ZBTB8A: variants seen among roughly 807,000 people sequenced by gnomAD.
The protein encoded by ZBTB8A is zinc finger and BTB domain containing 8A, also known as zinc finger and BTB domain-containing protein 8A.
In ZBTB8A, 19 loss-of-function variants were observed where a neutral mutation model predicts 37.8. That is an observed-to-expected ratio of 0.50 (90% CI 0.35 to 0.74). ZBTB8A has a LOEUF of 0.74. ZBTB8A is among the 30% of genes least tolerant of loss of function. The pLI is 0.01. For missense variants in ZBTB8A, 394 were observed against 537.8 expected (o/e 0.73, Z 2.65); for synonymous variants, 181 against 185.2 (o/e 0.98, Z 0.19).
rs528921169 is a variant in ZBTB8A at position 32,590,301 on chromosome 1, C to A, written c.-1-2630C>A. Among the ~76,000 whole-genome samples the A allele has an allele frequency of 8.5e-4, 129 of 152,156 alleles. 1 individual carries two copies. The highest frequency in any genetic ancestry group is 1.0e-3 in the Admixed American group (16 of 15,272). Reference sequence around the variant, plus strand: ...AAAGTAAATCTGGTCTCCAGAATCTCACAAGGCAAACCACTGGGCTTCAGT... The same window carrying A: ...AAAGTAAATCTGGTCTCCAGAATCTAACAAGGCAAACCACTGGGCTTCAGT... On this transcript the variant is annotated intron_variant, in intron 2 of 4. Transcript: ENST00000373510.
chr1:32,565,097 A>G (rs1014136013), intron 2 of ZBTB8A, among the ~76,000 whole-genome samples: 1 of 152,196 alleles, frequency 6.6e-6, no homozygotes, highest in Non-Finnish European at 1.5e-5. Flanking sequence ...TGGGAAGCCA[A>G]GGTGAGTTGA....
At position 32,600,126 on chromosome 1, in the gene ZBTB8A, C is replaced by A. The variant is rs746978891; in HGVS notation, c.1033C>A (p.Arg345Ser). ...TAAACTCATCTGCAGAAAATGTAAA[C>A]GTCATGTGACAGATCTAACAGGGCA... ...ACKLICRKCK[R>S]HVTDLTGQVV... is the part of the protein sequence containing the mutation. Residue 345 changes from arginine to serine, a missense_variant, in exon 5 of 5, where the codon CGT becomes AGT. By Grantham distance (110) the Arg-to-Ser change is moderately radical. Transcript: ENST00000373510. 6.2e-7 allele frequency: 1 copy of A among 1,613,884 alleles called. No homozygotes were observed. The highest frequency in any genetic ancestry group is 8.5e-7 in the Non-Finnish European group (1 of 1,179,802).
intron 2 of ZBTB8A, among the ~76,000 whole-genome samples, chr1:32,579,780 T>A (rs1167982571): frequency 1.3e-5 from 2 of 152,190 alleles, no homozygotes; most frequent in Non-Finnish European, 2.9e-5. Context: ...AACAATTTTT[T>A]TCATGTATTT....
rs141354652 is a variant in ZBTB8A, at chr1:32,592,940, C to T, written c.9C>T (p.Ile3=). The change falls in exon 3 of 5, where the codon ATC becomes ATT. Residue 3 remains isoleucine (I), a synonymous_variant. Transcript: ENST00000373510. ME[I]SSHQSHLLQQ... ...GTCTTTTCCTCTTCAGAATGGAGAT[C>T]TCCTCTCATCAGTCTCACCTCCTGC... The T allele has an allele frequency of 2.9e-5, 47 of 1,599,058 alleles. No individual in the cohort carries two copies. Among genetic ancestry groups the T allele is most frequent in the Non-Finnish European group, 3.7e-5 (43 of 1,172,724 alleles).
In ZBTB8A at chr1:32,602,331, A is replaced by AG. The variant is rs1220280187; in HGVS notation, c.*1912_*1913insG. The AG allele has an allele frequency of 2.0e-5, 3 of 151,450 alleles. No individual in the cohort carries two copies. Among genetic ancestry groups the AG allele is most frequent in the African/African-American group, 7.3e-5 (3 of 41,274 alleles). 9.4% of individuals were successfully genotyped at this position (151,450 alleles called of 1,614,324 possible). A position where few individuals can be genotyped will look rare whatever the true frequency, so the allele number is the denominator to read the frequency against. ...CAACAAGAGCGAAACTCCGTCTCAAAAAAAAAAAAAAAAAAAACTTCTCCC... is the reference window on the plus strand; with the variant it reads ...CAACAAGAGCGAAACTCCGTCTCAAAGAAAAAAAAAAAAAAAAACTTCTCCC... On this transcript the variant is annotated 3_prime_UTR_variant, in exon 5 of 5. Coordinates refer to ENST00000373510, the MANE Select transcript of ZBTB8A (RefSeq NM_001040441.3).
At chr1:32,556,689 C>T (rs1370978920) in intron 2 of ZBTB8A, among the ~76,000 whole-genome samples, 2 of 152,056 alleles carry the variant, frequency 1.3e-5, no homozygotes, top group African/African-American at 2.4e-5. Context: ...CAGTTCCAGC[C>T]AACATAGTGA....
chr1:32,547,352 CTT>C (rs769532413), intron 1 of ZBTB8A, among the ~76,000 whole-genome samples: 15 of 131,772 alleles, frequency 1.1e-4, no homozygotes, highest in Non-Finnish European at 1.5e-4. Flanking sequence ...TCTTTTCTTT[CTT>C]TTTTTTTTTT....
At position 32,592,923 on chromosome 1, in the gene ZBTB8A, C is replaced by T; in HGVS notation, c.-1-8C>T. ...TTTTGGTAACCACATGTGTCTTTTC[C>T]TCTTCAGAATGGAGATCTCCTCTCA... On this transcript the variant is annotated splice_polypyrimidine_tract_variant and splice_region_variant and intron_variant, in intron 2 of 4. Transcript: ENST00000373510. 1 of 1,583,118 alleles carries T rather than the reference C, an allele frequency of 6.3e-7. No individual in the cohort carries two copies. The highest frequency in any genetic ancestry group is 1.4e-5 in the African/African-American group (1 of 73,478).
intron 1 of ZBTB8A, among the ~76,000 whole-genome samples, chr1:32,549,601 C>T (rs185290934): frequency 1.3e-5 from 2 of 152,164 alleles, no homozygotes; most frequent in Non-Finnish European, 2.9e-5. Context: ...ATAGGCCATG[C>T]GCAGTGTAAT....
rs1644600661 is a variant in ZBTB8A, at chr1:32,604,548, G to A, written c.*4129G>A. 1 of 152,114 alleles carries A rather than the reference G, an allele frequency of 6.6e-6. No homozygotes were observed. 9.4% of individuals were successfully genotyped at this position (152,114 alleles called of 1,614,324 possible). ...GAAGCAAATCACATCCTTAGCACAT[G>A]ATGTTCCTTCTATGGGTATCAGATC... On this transcript the variant is annotated 3_prime_UTR_variant, in exon 5 of 5. Transcript: ENST00000373510.
chr1:32,585,696 A>G (rs1179035105), intron 2 of ZBTB8A, among the ~76,000 whole-genome samples: 2 of 152,126 alleles, frequency 1.3e-5, no homozygotes, highest in African/African-American at 4.8e-5. Context: ...GGTCGACAGC[A>G]TTTTTGAAAA....
chr1:32,575,054 C>T (rs1188241179), intron 2 of ZBTB8A, among the ~76,000 whole-genome samples: 3 of 151,926 alleles, frequency 2.0e-5, no homozygotes, highest in South Asian at 2.1e-4. Context: ...GGATTACAGG[C>T]GTGAGCCACC....
intron 2 of ZBTB8A, among the ~76,000 whole-genome samples, chr1:32,585,135 A>G (rs760625632): frequency 1.3e-5 from 2 of 150,442 alleles, no homozygotes; most frequent in Admixed American, 6.7e-5. Flanking sequence ...GGCTCAAGCA[A>G]TCCTCCTACC....
At chr1:32,552,324 A>G (rs1644162949) in intron 1 of ZBTB8A, among the ~76,000 whole-genome samples, 1 of 152,152 alleles carries the variant, frequency 6.6e-6, no homozygotes, top group Admixed American at 6.6e-5. Context: ...TGATTGTGCC[A>G]CTGCACTCTA....
chr1:32,548,998 C>G (rs923467838), intron 1 of ZBTB8A, among the ~76,000 whole-genome samples: 1 of 151,484 alleles, frequency 6.6e-6, no homozygotes, highest in Non-Finnish European at 1.5e-5. Context: ...TGAGACCAGC[C>G]TAGCCAATAT....
intron 2 of ZBTB8A, among the ~76,000 whole-genome samples, chr1:32,554,071 G>A (rs1309758619): frequency 6.6e-6 from 1 of 150,844 alleles, no homozygotes; most frequent in Non-Finnish European, 1.5e-5. Flanking sequence ...GTGGTGCTGG[G>A]CGCCTATAAT....
chr1:32,551,306 C>A (rs1040061266), intron 1 of ZBTB8A, among the ~76,000 whole-genome samples: 1 of 151,988 alleles, frequency 6.6e-6, no homozygotes, highest in African/African-American at 2.4e-5. Flanking sequence ...CCTCTAGTCT[C>A]AGCTACTCAG....
chr1:32,581,471 C>A (rs942923322), intron 2 of ZBTB8A, among the ~76,000 whole-genome samples: 1 of 150,314 alleles, frequency 6.7e-6, no homozygotes, highest in Non-Finnish European at 1.5e-5. Context: ...TCTGCCTCAG[C>A]CTCCCAAGTA....
At chr1:32,570,121 G>T (rs932158874) in intron 2 of ZBTB8A, among the ~76,000 whole-genome samples, 44 of 152,272 alleles carry the variant, frequency 2.9e-4, no homozygotes, top group African/African-American at 1.1e-3. Context: ...TGGATATCCA[G>T]TTGTTCTGGC....
Sources: allele counts gnomAD v4.1 joint callset (sites outside exome capture counted in the v4.1 genomes callset), GRCh38; gene constraint gnomAD v4.1.1; transcripts MANE v1.5; gene names NCBI Gene and HGNC (gene_info 2026-07-23, HGNC 2026-07-21).